SHISA9: variants seen among roughly 807,000 people sequenced by gnomAD.
SHISA9 encodes shisa family member 9, also known as protein shisa-9.
Under a neutral mutation model 38.0 loss-of-function variants are expected in SHISA9, and 13 were observed. The observed-to-expected ratio is 0.34, with a 90% confidence interval of 0.22 to 0.54. SHISA9 has a LOEUF of 0.54. SHISA9 is among the 20% of genes least tolerant of loss of function. The pLI, the probability that SHISA9 is intolerant of heterozygous loss-of-function variation, is 0.91. For synonymous variants in SHISA9, 275 were observed against 242.0 expected, an observed-to-expected ratio of 1.14 and a Z score of -1.27; for missense variants, 538 against 575.8, an observed-to-expected ratio of 0.93 and a Z score of 0.67.
intron 2 of SHISA9, among the ~76,000 whole-genome samples, chr16:12,974,894 T>A (rs1157923190): frequency 6.6e-6 from 1 of 152,180 alleles, no homozygotes; most frequent in Non-Finnish European, 1.5e-5. Flanking sequence ...TGCATTTACA[T>A]CTATCACATC....
intron 2 of SHISA9, among the ~76,000 whole-genome samples, chr16:13,187,411 T>G (rs1162164085): frequency 6.8e-6 from 1 of 146,504 alleles, no homozygotes; most frequent in Non-Finnish European, 1.5e-5. Flanking sequence ...CTCAGCTCAC[T>G]GCAGCCTCCA....
chr16:12,924,517 T>C (rs2071369776), intron 2 of SHISA9, among the ~76,000 whole-genome samples: 1 of 152,194 alleles, frequency 6.6e-6, no homozygotes, highest in Non-Finnish European at 1.5e-5. Context: ...GAAACTTAGT[T>C]CTTTTTCATA....
the SHISA9 span, among the ~76,000 whole-genome samples, chr16:13,546,399 G>T: frequency 4.6e-3 from 697 of 152,308 alleles, 4 homozygotes; most frequent in Middle Eastern, 0.044. Flanking sequence ...TGGAAGGCAA[G>T]TGTAAGGGTG....
intron 2 of SHISA9, among the ~76,000 whole-genome samples, chr16:13,075,785 C>G (rs1437906580): frequency 6.6e-6 from 1 of 152,162 alleles, no homozygotes; most frequent in Non-Finnish European, 1.5e-5. Context: ...GATCACACAG[C>G]TGGTAAGACA....
chr16:13,139,702 A>G (rs2050382732), intron 2 of SHISA9, among the ~76,000 whole-genome samples: 1 of 152,096 alleles, frequency 6.6e-6, no homozygotes, highest in African/African-American at 2.4e-5. Flanking sequence ...TCAGTTTCCA[A>G]ACCACTGGAA....
At chr16:12,961,993 GT>G (rs143748513) in intron 2 of SHISA9, among the ~76,000 whole-genome samples, 140 of 152,318 alleles carry the variant, frequency 9.2e-4, no homozygotes, top group African/African-American at 3.3e-3. Flanking sequence ...ATCAGTGTCT[GT>G]CCCTGTGGCG....
chr16:13,531,777 G>A, the SHISA9 span, among the ~76,000 whole-genome samples: 49 of 152,084 alleles, frequency 3.2e-4, no homozygotes, highest in African/African-American at 1.1e-3. Flanking sequence ...GGGGCGGTGT[G>A]GGGGGCAGGG....
At chr16:13,562,982 G>A in the SHISA9 span, 2 of 152,094 alleles carry the variant, frequency 1.3e-5, no homozygotes, top group African/African-American at 2.4e-5. Flanking sequence ...AACGTAAAGT[G>A]TTCTTTCATA....
the SHISA9 span, among the ~76,000 whole-genome samples, chr16:13,492,292 A>C: frequency 1.3e-5 from 2 of 151,858 alleles, no homozygotes; most frequent in Admixed American, 6.6e-5. Flanking sequence ...AAGGTGAATC[A>C]CTCCTGGAAT....
chr16:13,109,763 A>G (rs1220681296), intron 2 of SHISA9, among the ~76,000 whole-genome samples: 3 of 152,152 alleles, frequency 2.0e-5, no homozygotes, highest in Non-Finnish European at 4.4e-5. Flanking sequence ...ATGGAATTAT[A>G]CAGTATGTGA....
At chr16:13,004,867 G>A (rs1237438740) in intron 2 of SHISA9, among the ~76,000 whole-genome samples, 1 of 150,980 alleles carries the variant, frequency 6.6e-6, no homozygotes, top group African/African-American at 2.4e-5. Context: ...GGGAGGCAGA[G>A]GTTGCAGTGA....
the SHISA9 span, among the ~76,000 whole-genome samples, chr16:13,551,361 C>G: frequency 6.6e-6 from 1 of 152,184 alleles, no homozygotes. Flanking sequence ...CCTATAAGCA[C>G]ATATGTGGGT....
At chr16:13,531,886 A>G in the SHISA9 span, among the ~76,000 whole-genome samples, 1 of 152,232 alleles carries the variant, frequency 6.6e-6, no homozygotes, top group Non-Finnish European at 1.5e-5. Context: ...GAATTATCAC[A>G]GTACTCGAGC....
the SHISA9 span, among the ~76,000 whole-genome samples, chr16:13,291,132 T>C: frequency 1.3e-5 from 2 of 152,288 alleles, no homozygotes; most frequent in African/African-American, 2.4e-5. Context: ...TGACTTTTCA[T>C]TCTTCACTGG....
At chr16:13,087,277 G>A (rs531828201) in intron 2 of SHISA9, among the ~76,000 whole-genome samples, 10 of 150,124 alleles carry the variant, frequency 6.7e-5, no homozygotes, top group East Asian at 6.0e-4. Context: ...GAATAGTGCC[G>A]CAATAAACAT....
chr16:12,934,904 G>A (rs779156609), intron 2 of SHISA9, among the ~76,000 whole-genome samples: 2 of 152,170 alleles, frequency 1.3e-5, no homozygotes, highest in African/African-American at 4.8e-5. Context: ...ATATGGGTTG[G>A]CTCATAGAAC....
the SHISA9 span, among the ~76,000 whole-genome samples, chr16:13,371,090 T>C: frequency 5.3e-5 from 8 of 152,190 alleles, 1 homozygote; most frequent in Non-Finnish European, 1.0e-4. Flanking sequence ...ACCTTTACAA[T>C]CCTACGTGGT....
intron 2 of SHISA9, among the ~76,000 whole-genome samples, chr16:13,014,825 A>G (rs1313522176): frequency 6.6e-6 from 1 of 152,206 alleles, no homozygotes; most frequent in Non-Finnish European, 1.5e-5. Context: ...AAATATTATG[A>G]ACTCACAAGA....
At chr16:13,300,845 T>TCTCTCCTCTCCTCTCCTCTC in the SHISA9 span, among the ~76,000 whole-genome samples, 8 of 133,054 alleles carry the variant, frequency 6.0e-5, no homozygotes, top group Middle Eastern at 3.6e-3. Flanking sequence ...CCTCCCCTCT[T>TCTCTCCTCTCCTCTCCTCTC]CTCTCCTCTC....
Sources: allele counts gnomAD v4.1 joint callset (sites outside exome capture counted in the v4.1 genomes callset), GRCh38; gene constraint gnomAD v4.1.1; transcripts MANE v1.5; gene names NCBI Gene and HGNC (gene_info 2026-07-23, HGNC 2026-07-21).